Variants in EGFLAM observed in about 807,000 individuals in gnomAD.
The protein encoded by EGFLAM is pikachurin.
EGFLAM carries 79 observed loss-of-function variants against 113.1 expected under a neutral mutation model. That is an observed-to-expected ratio of 0.70 (90% CI 0.58 to 0.84). EGFLAM has a LOEUF of 0.84. Ranked by LOEUF, EGFLAM falls within the 40% of genes least tolerant of loss-of-function variation. The pLI is 0.00. For missense variants in EGFLAM, 1,265 were observed against 1,291.6 expected, an observed-to-expected ratio of 0.98 and a Z score of 0.32; for synonymous variants, 504 against 487.6, an observed-to-expected ratio of 1.03 and a Z score of -0.44.
chr5:38,296,850 T>C (rs977039508), intron 1 of EGFLAM, among the ~76,000 whole-genome samples: 1 of 152,144 alleles, frequency 6.6e-6, no homozygotes, highest in Non-Finnish European at 1.5e-5. Flanking sequence ...ATATTGACAC[T>C]GTGTACCCCT....
chr5:38,399,048 G>C lies in EGFLAM; in HGVS notation c.713-7078G>C, dbSNP rs575487646. 6.0e-4 allele frequency among the ~76,000 whole-genome samples: 92 copies of C among 152,296 alleles called. 1 individual carries two copies. The highest frequency in any genetic ancestry group is 2.2e-3 in the African/African-American group (91 of 41,558). Reference sequence around the variant, plus strand: ...TATTTCTAAAAAGGCTGGGTCAGAAGACGTAGCTCATTCTAAGAGCCAAAG... The same window carrying C: ...TATTTCTAAAAAGGCTGGGTCAGAACACGTAGCTCATTCTAAGAGCCAAAG... On this transcript the variant is annotated intron_variant, in intron 6 of 21. Transcript: ENST00000322350.
chr5:38,415,701 A>G (rs1407657860), intron 11 of EGFLAM, among the ~76,000 whole-genome samples: 3 of 152,176 alleles, frequency 2.0e-5, no homozygotes, highest in Non-Finnish European at 4.4e-5. Flanking sequence ...CCGTTCTCAT[A>G]CTGCTATGAA....
intron 3 of EGFLAM, 34 bp downstream of exon 3, chr5:38,338,815 G>A (rs763284222): frequency 1.3e-6 from 2 of 1,580,040 alleles, no homozygotes; most frequent in South Asian, 1.1e-5. Context: ...CCACTCAAAA[G>A]CATGTGGGCA....
intron 1 of EGFLAM, among the ~76,000 whole-genome samples, chr5:38,329,315 AAATAAATAAATAAAT>A (rs902676199): frequency 6.6e-6 from 1 of 150,666 alleles, no homozygotes; most frequent in African/African-American, 2.4e-5. Flanking sequence ...ATAAATAAAT[AAATAAATAAATAAAT>A]AAATAAATTT....
intron 12 of EGFLAM, among the ~76,000 whole-genome samples, chr5:38,421,552 A>G (rs550752947): frequency 2.0e-5 from 3 of 152,364 alleles, no homozygotes; most frequent in South Asian, 4.1e-4. Flanking sequence ...TGCTTGTCAC[A>G]GTGCTGGGTG....
chr5:38,407,737 A>G, intron 8 of EGFLAM, 68 bp from the exon 9 acceptor site: 3 of 1,160,374 alleles, frequency 2.6e-6, no homozygotes, highest in South Asian at 2.6e-5. Flanking sequence ...GCAACGTTGT[A>G]TATTGATTTT....
Position 38,407,938 on chromosome 5 carries a change from T to A in EGFLAM, c.1248+33T>A, listed in dbSNP as rs199524764. ...GGATGTGTTGTTTGATGAGTGCTTTTTGGACACTTTAACACAGCAATGTGC... is the reference window on the plus strand; with the variant it reads ...GGATGTGTTGTTTGATGAGTGCTTTATGGACACTTTAACACAGCAATGTGC... On this transcript the variant is annotated intron_variant, in intron 9 of 21. Transcript: ENST00000322350. The A allele has an allele frequency of 2.7e-4, 412 of 1,512,432 alleles. 1 individual carries two copies. The African/African-American group carries it at 5.0e-3, about 18-fold the overall frequency. The allele number at this position is 1,512,432 out of a possible 1,614,324, so 93.7% of individuals were successfully genotyped here. A position where few individuals can be genotyped will look rare whatever the true frequency, so the allele number is the denominator to read the frequency against.
intron 1 of EGFLAM, among the ~76,000 whole-genome samples, chr5:38,266,264 G>A (rs1048866320): frequency 6.6e-6 from 1 of 152,168 alleles, no homozygotes; most frequent in African/African-American, 2.4e-5. Context: ...TCCACACATT[G>A]GGGTTCAAGT....
chr5:38,360,536 G>T lies in EGFLAM; in HGVS notation c.545+8205G>T, dbSNP rs573427753. Among the ~76,000 whole-genome samples, 4 of 152,302 alleles carry T rather than the reference G, an allele frequency of 2.6e-5. No homozygotes were observed. The South Asian group carries it at 8.3e-4, about 32-fold the overall frequency. On this transcript the variant is annotated intron_variant, in intron 5 of 21. Coordinates refer to ENST00000322350, the MANE Select transcript of EGFLAM (RefSeq NM_152403.4). ...TGCGTAACACACAGGCTCTGGGCTG[G>T]ACTCCCTAGTGCAAACCTTGTCTCT...
At chr5:38,419,472 G>A (rs551481017) in intron 12 of EGFLAM, among the ~76,000 whole-genome samples, 36 of 152,288 alleles carry the variant, frequency 2.4e-4, no homozygotes, top group Middle Eastern at 3.4e-3. Context: ...ACAGTGAACA[G>A]CATAGTCTCA....
chr5:38,441,503 G>A (rs754568402), intron 17 of EGFLAM, among the ~76,000 whole-genome samples: 1 of 151,944 alleles, frequency 6.6e-6, no homozygotes, highest in Non-Finnish European at 1.5e-5. Context: ...CAGAGCTTGT[G>A]TATCTAAGTA....
chr5:38,371,423 G>C (rs1207791862), intron 6 of EGFLAM, among the ~76,000 whole-genome samples: 1 of 152,064 alleles, frequency 6.6e-6, no homozygotes, highest in Non-Finnish European at 1.5e-5. Flanking sequence ...TCCTCACAAA[G>C]CACCCACACA....
At chr5:38,342,906 T>C (rs1739371981) in intron 3 of EGFLAM, among the ~76,000 whole-genome samples, 1 of 152,186 alleles carries the variant, frequency 6.6e-6, no homozygotes, top group South Asian at 2.1e-4. Flanking sequence ...ATAGAGTTCA[T>C]GTGTTTTCTT....
At chr5:38,421,200 A>G (rs2112172723) in intron 12 of EGFLAM, among the ~76,000 whole-genome samples, 1 of 152,164 alleles carries the variant, frequency 6.6e-6, no homozygotes, top group South Asian at 2.1e-4. Flanking sequence ...GGCTTGCATT[A>G]CTCAGTTCCT....
intron 1 of EGFLAM, among the ~76,000 whole-genome samples, chr5:38,262,214 C>T (rs1354841971): frequency 2.0e-5 from 3 of 152,240 alleles, no homozygotes; most frequent in African/African-American, 7.2e-5. Flanking sequence ...CCAGAAAGTG[C>T]GGGAGGACTG....
At chr5:38,393,296 A>C (rs2112091876) in intron 6 of EGFLAM, among the ~76,000 whole-genome samples, 1 of 152,166 alleles carries the variant, frequency 6.6e-6, no homozygotes, top group South Asian at 2.1e-4. Context: ...ATTTTTCTCC[A>C]TTATGGAGAA....
At chr5:38,342,432 A>G (rs1337286566) in intron 3 of EGFLAM, among the ~76,000 whole-genome samples, 1 of 152,206 alleles carries the variant, frequency 6.6e-6, no homozygotes, top group African/African-American at 2.4e-5. Flanking sequence ...GATTACCTTA[A>G]AAGGTAGATT....
At chr5:38,408,251 A>G (rs1561074206) in intron 9 of EGFLAM, among the ~76,000 whole-genome samples, 1 of 152,226 alleles carries the variant, frequency 6.6e-6, no homozygotes, top group East Asian at 1.9e-4. Context: ...CCCCGTTCCA[A>G]AATTGTTTAA....
Position 38,431,191 on chromosome 5 carries a change from T to C in EGFLAM, c.2069T>C (p.Leu690Pro). ...GTGVLRSEDPLTLGNWHELRV... is the reference protein window; with the variant it reads ...GTGVLRSEDPPTLGNWHELRV... The stretch of plus-strand genomic sequence containing the variant: ...TCCTTCCACAGGAGTGAAGATCCCC[T>C]CACCCTGGGCAACTGGCACGAGCTT... Residue 690 changes from leucine to proline, a missense_variant, in exon 15 of 22, where the codon CTC (leucine) becomes CCC (proline). Physicochemically the swap from Leu to Pro is moderately conservative, Grantham distance 98 (BLOSUM62 -3). Transcript: ENST00000322350. The C allele has an allele frequency of 6.2e-7, 1 of 1,614,086 alleles. No homozygotes were observed. Among genetic ancestry groups the C allele is most frequent in the Non-Finnish European group, 8.5e-7 (1 of 1,179,986 alleles).
Sources: gnomAD v4.1 joint callset for allele counts (sites outside exome capture counted in the v4.1 genomes callset) on GRCh38, gnomAD v4.1.1 for gene constraint, MANE v1.5 for transcripts, NCBI Gene and HGNC (gene_info 2026-07-23, HGNC 2026-07-21) for gene names.